The following CPT1A variants were observed in gnomAD, a reference collection of about 807,000 sequenced individuals.
CPT1A encodes the protein carnitine palmitoyltransferase 1A, also known as carnitine O-palmitoyltransferase 1, liver isoform.
In CPT1A, 64 loss-of-function variants were observed where a neutral mutation model predicts 100.8. The observed-to-expected ratio is 0.63, with a 90% CI of 0.52 to 0.78. The LOEUF (loss-of-function observed/expected upper bound fraction) is 0.78. Among genes scored for constraint, CPT1A ranks in the 30% least tolerant of loss-of-function variants. CPT1A has a pLI of 0.00. For missense variants in CPT1A, 802 were observed against 1,034.1 expected (o/e 0.78, Z 3.08); for synonymous variants, 363 against 396.0 (o/e 0.92, Z 0.99).
At chr11:68,842,897 T>C (rs1857188366), upstream of CPT1A, among the ~76,000 whole-genome samples, 1 of 152,168 alleles carries the variant, frequency 6.6e-6, no homozygotes, top group Non-Finnish European at 1.5e-5. Context: ...CCGCAATGCT[T>C]CCAGGCGCGA....
chr11:68,774,228 C>T (rs1320980709), intron 13 of CPT1A, among the ~76,000 whole-genome samples: 1 of 152,152 alleles, frequency 6.6e-6, no homozygotes, highest in Non-Finnish European at 1.5e-5. Flanking sequence ...CTCCTGCCTT[C>T]TGCCCCACAG....
intron 2 of CPT1A, among the ~76,000 whole-genome samples, chr11:68,813,925 G>A (rs1193134008): frequency 6.6e-6 from 1 of 152,166 alleles, no homozygotes; most frequent in Non-Finnish European, 1.5e-5. Flanking sequence ...GGACACCCGT[G>A]CAGCTGTACT....
chr11:68,801,329 G>A (rs991372427), intron 5 of CPT1A, among the ~76,000 whole-genome samples: 2 of 152,070 alleles, frequency 1.3e-5, no homozygotes, highest in African/African-American at 4.8e-5. Flanking sequence ...CGTGGGCACA[G>A]AAGAGGAGAG....
chr11:68,803,661 A>AGATT (rs1267854105), intron 5 of CPT1A, among the ~76,000 whole-genome samples: 1 of 152,002 alleles, frequency 6.6e-6, no homozygotes, highest in Non-Finnish European at 1.5e-5. Flanking sequence ...CAGTGAGCTG[A>AGATT]GATTGCACCA....
intron 10 of CPT1A, among the ~76,000 whole-genome samples, 170 bp from the exon 11 acceptor site, chr11:68,782,129 C>A (rs1855329953): frequency 6.6e-6 from 1 of 152,228 alleles, no homozygotes; most frequent in Non-Finnish European, 1.5e-5. Flanking sequence ...CTCTCACCTG[C>A]TCCTGGTCTC....
chr11:68,773,274 CGCCAGCTGGAGG>C lies in CPT1A; in HGVS notation c.1719_1730del (p.Leu574_Ala577del). ...GGCGGTCAGTTCTTACCTTGTAGTG[CGCCAGCTGGAGG>C]GCCAGCTGCACAAAGGCGTCTGGGC... is the stretch of plus-strand genomic sequence containing the variant. On this transcript the variant is annotated inframe_deletion, in exon 14 of 19. Coordinates refer to ENST00000265641, the MANE Select transcript of CPT1A (RefSeq NM_001876.4). The C allele has an allele frequency of 6.2e-7, 1 of 1,614,062 alleles. No individual in the cohort carries two copies. Among genetic ancestry groups the C allele is most frequent in the Non-Finnish European group, 8.5e-7 (1 of 1,180,018 alleles).
intron 14 of CPT1A, among the ~76,000 whole-genome samples, chr11:68,770,559 T>C (rs957213947): frequency 9.2e-5 from 14 of 152,322 alleles, no homozygotes; most frequent in Admixed American, 5.2e-4. Flanking sequence ...GCCCTATTAC[T>C]AAGCCCCTTG....
At chr11:68,806,406 G>T (rs1331893284) in intron 4 of CPT1A, among the ~76,000 whole-genome samples, 1 of 152,056 alleles carries the variant, frequency 6.6e-6, no homozygotes, top group Non-Finnish European at 1.5e-5. Context: ...GTCAAGGTGG[G>T]CCGATCACTT....
intron 3 of CPT1A, among the ~76,000 whole-genome samples, chr11:68,811,775 A>G (rs979731024): frequency 3.9e-4 from 59 of 152,292 alleles, no homozygotes; most frequent in African/African-American, 1.4e-3. Context: ...ACTGGATGGA[A>G]TAACAGACAT....
Position 68,826,319 on chromosome 11 carries a change from G to A in CPT1A, c.-13-10832C>T, listed in dbSNP as rs537489489. ...AAATTAGCCGGATCTGGTGGTGCAC[G>A]CCTGTATTCCCAGCTAACTGGGAGG... On this transcript the variant is annotated intron_variant, in intron 1 of 18. Transcript: ENST00000265641. Among the ~76,000 whole-genome samples, 10 of 152,200 alleles carry A rather than the reference G, an allele frequency of 6.6e-5. No individual in the cohort carries two copies. In the East Asian group the frequency reaches 7.7e-4, roughly 12 times the overall value.
intron 9 of CPT1A, 107 bp downstream of exon 9, chr11:68,793,208 A>G: frequency 1.4e-6 from 1 of 729,452 alleles, no homozygotes; most frequent in South Asian, 1.8e-5. Flanking sequence ...CTACAATCTC[A>G]GGAAGGGTCA....
chr11:68,832,409 C>A (rs920336978), intron 1 of CPT1A, among the ~76,000 whole-genome samples: 3 of 152,120 alleles, frequency 2.0e-5, no homozygotes, highest in Admixed American at 6.5e-5. Flanking sequence ...AAGATTGCAC[C>A]ACTGCACTCC....
In CPT1A at chr11:68,841,877, G is replaced by C. The variant is rs1269094329; in HGVS notation, c.-116C>G. 1 of 987,728 alleles carries C rather than the reference G, an allele frequency of 1.0e-6. No individual in the cohort carries two copies. Among genetic ancestry groups the C allele is most frequent in the African/African-American group, 1.8e-5 (1 of 57,060 alleles). The allele number at this position is 987,728 out of a possible 1,614,324, so 61.2% of individuals were successfully genotyped here. ...GCGGGAGCCGGGGAAGGAGGGCCGCGGGCGAGGCCGAGCGCACCCGACGCC... is the reference window on the plus strand; with the variant it reads ...GCGGGAGCCGGGGAAGGAGGGCCGCCGGCGAGGCCGAGCGCACCCGACGCC... On this transcript the variant is annotated 5_prime_UTR_variant, in exon 1 of 19. Coordinates refer to ENST00000265641, the MANE Select transcript of CPT1A (RefSeq NM_001876.4). The surrounding 1 kb of genome is among the most constrained non-coding windows in gnomAD (Gnocchi z 6.3).
At chr11:68,775,217 A>G (rs779651403) in intron 13 of CPT1A, 99 bp downstream of exon 13, 48 of 1,014,250 alleles carry the variant, frequency 4.7e-5, no homozygotes, top group Non-Finnish European at 7.3e-5. Flanking sequence ...AACTGAGCTC[A>G]TGATAGGGCA....
At chr11:68,813,529 CAAAAAAAA>C (rs10590789) in intron 2 of CPT1A, among the ~76,000 whole-genome samples, 6 of 81,524 alleles carry the variant, frequency 7.4e-5, no homozygotes, top group East Asian at 3.3e-4. Context: ...AGGCTCTGTC[CAAAAAAAA>C]AAAAAAAAAA....
intron 5 of CPT1A, among the ~76,000 whole-genome samples, chr11:68,803,577 G>A (rs1352444752): frequency 6.6e-6 from 1 of 152,012 alleles, no homozygotes; most frequent in Non-Finnish European, 1.5e-5. Context: ...CGGGCGTGGT[G>A]GCAGGTGCCT....
intron 14 of CPT1A, among the ~76,000 whole-genome samples, chr11:68,769,318 C>A (rs529720832): frequency 3.0e-4 from 45 of 152,292 alleles, no homozygotes; most frequent in African/African-American, 1.0e-3. Flanking sequence ...CTCACTGCAG[C>A]CTCCACCTCC....
rs1177976460 is a variant in CPT1A, at chr11:68,838,571, T to TA, written c.-14+3203_-14+3204insT. On this transcript the variant is annotated intron_variant, in intron 1 of 18. Transcript: ENST00000265641. ...GACTCTACTCTGTATCTGCACCTTT[T>TA]TAAAAAAAAAAAAAAAAAAACAGAG... Among the ~76,000 whole-genome samples the TA allele has an allele frequency of 4.1e-3, 302 of 74,234 alleles. 35 individuals carry two copies. The highest frequency in any genetic ancestry group is 6.1e-3 in the Admixed American group (35 of 5,738). 48.7% of individuals were successfully genotyped at this position (74,234 alleles called of 152,430 possible).
chr11:68,828,352 C>G (rs1434165461), intron 1 of CPT1A, among the ~76,000 whole-genome samples: 1 of 152,250 alleles, frequency 6.6e-6, no homozygotes, highest in Non-Finnish European at 1.5e-5. Flanking sequence ...CCTTCCGCTT[C>G]TGTGTGTCCA....
Sources: allele counts gnomAD v4.1 joint callset (sites outside exome capture counted in the v4.1 genomes callset), GRCh38; gene constraint gnomAD v4.1.1; non-coding constraint Gnocchi (gnomAD v3.1); transcripts MANE v1.5; gene names NCBI Gene and HGNC (gene_info 2026-07-23, HGNC 2026-07-21).